PPARGC1A: variants seen among roughly 807,000 people sequenced by gnomAD.
PPARGC1A encodes PPARG coactivator 1 alpha, also known as peroxisome proliferator-activated receptor gamma coactivator 1-alpha.
Under a neutral mutation model 88.7 loss-of-function variants are expected in PPARGC1A, and 25 were observed. The ratio of observed to expected loss-of-function variants is 0.28; its 90% CI spans 0.21 to 0.39. The LOEUF is 0.39. PPARGC1A is among the 10% of genes least tolerant of loss of function. The probability of loss-of-function intolerance (pLI) is 1.00; values close to 1 mark genes in which losing one functional copy is unlikely to be tolerated. For synonymous variants in PPARGC1A, 363 were observed against 355.6 expected, an observed-to-expected ratio of 1.02 and a Z score of -0.24; for missense variants, 880 against 968.7, an observed-to-expected ratio of 0.91 and a Z score of 1.22.
chr4:24,113,116 G>A, the PPARGC1A span, among the ~76,000 whole-genome samples: 1 of 152,026 alleles, frequency 6.6e-6, no homozygotes, highest in Non-Finnish European at 1.5e-5. Context: ...CAATGACTTG[G>A]GCATATATAT....
At chr4:23,820,803 T>C (rs1018114890) in intron 7 of PPARGC1A, among the ~76,000 whole-genome samples, 1 of 152,120 alleles carries the variant, frequency 6.6e-6, no homozygotes, top group Non-Finnish European at 1.5e-5. Flanking sequence ...CTGGAGGTCT[T>C]AGAATTTTGT....
chr4:24,087,553 C>T, the PPARGC1A span, among the ~76,000 whole-genome samples: 8 of 152,150 alleles, frequency 5.3e-5, no homozygotes, highest in African/African-American at 1.4e-4. Flanking sequence ...AAAACAATGA[C>T]GTGTCACGAA....
chr4:23,813,176 C>T (rs975726627), intron 8 of PPARGC1A, 51 bp from the exon 9 acceptor site: 1 of 1,496,786 alleles, frequency 6.7e-7, no homozygotes, highest in Non-Finnish European at 9.3e-7. Flanking sequence ...CCACTTAACC[C>T]AAGTTTATCG....
the PPARGC1A span, among the ~76,000 whole-genome samples, chr4:24,268,902 T>G: frequency 1.3e-5 from 2 of 152,208 alleles, no homozygotes; most frequent in African/African-American, 2.4e-5. Context: ...AGTACTGTTG[T>G]AAGAACCAGG....
chr4:23,902,081 G>T (rs1270496958), upstream of PPARGC1A, among the ~76,000 whole-genome samples: 1 of 151,846 alleles, frequency 6.6e-6, no homozygotes, highest in Non-Finnish European at 1.5e-5. Flanking sequence ...ACAAAAAATA[G>T]AATGTAAAAT....
the PPARGC1A span, among the ~76,000 whole-genome samples, chr4:24,346,312 G>T: frequency 6.6e-6 from 1 of 151,956 alleles, no homozygotes; most frequent in Non-Finnish European, 1.5e-5. Context: ...GTTAGGGAGG[G>T]TTTTTTCTTT....
chr4:24,159,910 G>C, the PPARGC1A span, among the ~76,000 whole-genome samples: 1 of 152,206 alleles, frequency 6.6e-6, no homozygotes, highest in Non-Finnish European at 1.5e-5. Flanking sequence ...TCACACTGCT[G>C]AAAGGCCACT....
chr4:24,014,576 G>A, the PPARGC1A span, among the ~76,000 whole-genome samples: 1 of 152,092 alleles, frequency 6.6e-6, no homozygotes, highest in African/African-American at 2.4e-5. Flanking sequence ...CTGGAGCTCA[G>A]GGTCCTCTTC....
At chr4:24,193,231 C>T in the PPARGC1A span, among the ~76,000 whole-genome samples, 1 of 152,178 alleles carries the variant, frequency 6.6e-6, no homozygotes, top group Admixed American at 6.5e-5. Flanking sequence ...TGTCTTCTAG[C>T]TGCAACTCAA....
chr4:24,126,996 C>T, the PPARGC1A span, among the ~76,000 whole-genome samples: 6 of 152,108 alleles, frequency 3.9e-5, no homozygotes, highest in Admixed American at 3.9e-4. Context: ...TTTCCTATCC[C>T]CGAGCCAAGC....
chr4:24,413,771 T>G, the PPARGC1A span, among the ~76,000 whole-genome samples: 1 of 152,196 alleles, frequency 6.6e-6, no homozygotes, highest in African/African-American at 2.4e-5. Context: ...TTTAAGCTCT[T>G]GAAAAGCAGA....
intron 7 of PPARGC1A, among the ~76,000 whole-genome samples, chr4:23,815,563 G>A (rs1179176100): frequency 6.6e-6 from 1 of 152,076 alleles, no homozygotes; most frequent in Non-Finnish European, 1.5e-5. Context: ...CTTTTCTATA[G>A]GAGGGCAGAA....
chr4:24,247,197 C>A, the PPARGC1A span, among the ~76,000 whole-genome samples: 5 of 152,062 alleles, frequency 3.3e-5, no homozygotes, highest in African/African-American at 1.2e-4. Context: ...TCTCGACCCA[C>A]CACCCCCCAA....
chr4:24,148,860 C>T, the PPARGC1A span, among the ~76,000 whole-genome samples: 1 of 152,216 alleles, frequency 6.6e-6, no homozygotes, highest in African/African-American at 2.4e-5. Context: ...TAAGTAAGGA[C>T]ATTCACAAAC....
the PPARGC1A span, among the ~76,000 whole-genome samples, chr4:24,328,259 C>T: frequency 2.7e-5 from 4 of 147,756 alleles, no homozygotes; most frequent in South Asian, 2.2e-4. Flanking sequence ...CAGCCCCCCC[C>T]CCAATCAGCA....
chr4:23,936,160 G>A, the PPARGC1A span, among the ~76,000 whole-genome samples: 3 of 152,152 alleles, frequency 2.0e-5, no homozygotes, highest in South Asian at 2.1e-4. Flanking sequence ...AATGATTGGC[G>A]AATCAATACA....
chr4:24,430,015 A>G, the PPARGC1A span, among the ~76,000 whole-genome samples: 1 of 152,102 alleles, frequency 6.6e-6, no homozygotes, highest in Admixed American at 6.5e-5. Context: ...TCCTGGTCCT[A>G]TGTAAGAACC....
the PPARGC1A span, among the ~76,000 whole-genome samples, chr4:23,939,954 C>T: frequency 6.6e-6 from 1 of 152,180 alleles, no homozygotes; most frequent in East Asian, 1.9e-4. Context: ...CATCTCTTCT[C>T]ATCTTCCCTC....
At chr4:23,864,736 C>A (rs1711530712) in intron 2 of PPARGC1A, among the ~76,000 whole-genome samples, 2 of 152,306 alleles carry the variant, frequency 1.3e-5, no homozygotes, top group Non-Finnish European at 1.5e-5. Flanking sequence ...GTTAGGCAAC[C>A]TGGTGTGTGC....
Sources: gnomAD v4.1 joint callset for allele counts (sites outside exome capture counted in the v4.1 genomes callset) on GRCh38, gnomAD v4.1.1 for gene constraint, MANE v1.5 for transcripts, NCBI Gene and HGNC (gene_info 2026-07-23, HGNC 2026-07-21) for gene names.